The following PBRM1 variants were observed in gnomAD, a reference collection of about 807,000 sequenced individuals.
PBRM1 encodes the protein protein polybromo-1.
Under a neutral mutation model 194.5 loss-of-function variants are expected in PBRM1, and 27 were observed. The observed-to-expected ratio is 0.14, with a 90% CI of 0.10 to 0.19. The LOEUF (loss-of-function observed/expected upper bound fraction) is 0.19. Ranked by LOEUF, PBRM1 falls within the 10% of genes least tolerant of loss-of-function variation. PBRM1 has a pLI of 1.00. For synonymous variants in PBRM1, 655 were observed against 693.2 expected (o/e 0.94, Z 0.87); for missense variants, 1,466 against 2,077.2 (o/e 0.71, Z 5.72).
chr3:52,554,411 G>A (rs560806328), intron 27 of PBRM1, among the ~76,000 whole-genome samples: 1 of 152,378 alleles, frequency 6.6e-6, no homozygotes, highest in South Asian at 2.1e-4. Flanking sequence ...CTTCTAGGCT[G>A]TCTGGCTTTT....
intron 3 of PBRM1, 133 bp downstream of exon 4, chr3:52,668,365 C>T (rs1302162130): frequency 1.3e-5 from 8 of 608,482 alleles, no homozygotes; most frequent in Admixed American, 3.6e-5. Flanking sequence ...AGTCTCTTTA[C>T]GAATAAGACA....
downstream of PBRM1, chr3:52,546,047 A>G (rs894156754): frequency 4.3e-6 from 1 of 233,072 alleles, no homozygotes; most frequent in African/African-American, 2.2e-5. Flanking sequence ...GGCTGGATCT[A>G]TGTTTCCTAT....
At chr3:52,545,570 G>T, downstream of PBRM1, 1 of 232,814 alleles carries the variant, frequency 4.3e-6, no homozygotes. Flanking sequence ...ACAGAAATAG[G>T]TGCCCCTCTC....
intron 16 of PBRM1, among the ~76,000 whole-genome samples, chr3:52,606,011 T>C (rs74805901): frequency 1.3e-5 from 2 of 151,864 alleles, no homozygotes; most frequent in Admixed American, 1.3e-4. Context: ...ACTTTTTTTT[T>C]CTTCTTGAGA....
chr3:52,668,728 C>A, intron 2 of PBRM1, 83 bp from the exon 4 acceptor site: 32 of 551,878 alleles, frequency 5.8e-5, no homozygotes, highest in Admixed American at 9.8e-5. Flanking sequence ...TGGTAATGTT[C>A]AACATTCCAA....
intron 3 of PBRM1, among the ~76,000 whole-genome samples, chr3:52,664,412 G>A (rs368444646): frequency 6.1e-4 from 62 of 101,104 alleles, no homozygotes; most frequent in South Asian, 7.9e-4. Context: ...TGAAAGAACT[G>A]AAAAAAAAAA....
At position 52,563,558 on chromosome 3, in the gene PBRM1, G is replaced by T. The variant is rs2084235823; in HGVS notation, c.3876-65C>A. Reference sequence around the variant, plus strand: ...CCCCTCCAGAATAAGCCGGAAAGCAGTGTTCCACCTTAACAACTAGAAGTG... The same window carrying T: ...CCCCTCCAGAATAAGCCGGAAAGCATTGTTCCACCTTAACAACTAGAAGTG... On this transcript the variant is annotated intron_variant, in intron 23 of 29. Coordinates refer to ENST00000296302, the Ensembl canonical transcript of PBRM1. The T allele has an allele frequency of 2.6e-6, 3 of 1,136,602 alleles. No individual in the cohort carries two copies. The East Asian group carries it at 7.0e-5, about 27-fold the overall frequency. The allele number at this position is 1,136,602 out of a possible 1,614,324, so 70.4% of individuals were successfully genotyped here.
At chr3:52,589,323 G>T in intron 17 of PBRM1, 68 bp from the exon 20 acceptor site, 1 of 1,011,362 alleles carries the variant, frequency 9.9e-7, no homozygotes, top group Non-Finnish European at 1.4e-6. Context: ...GTCAGATGTA[G>T]GGTTCAAACA....
intron 19 of PBRM1, 38 bp from the exon 22 acceptor site, chr3:52,586,726 G>A (rs1396978391): frequency 1.4e-6 from 1 of 736,338 alleles, no homozygotes; most frequent in Non-Finnish European, 1.9e-6. Context: ...AAACTAGTTA[G>A]GTGAATTTTC....
intron 12 of PBRM1, 86 bp from the exon 14 acceptor site, chr3:52,627,456 A>G: frequency 1.4e-6 from 1 of 737,976 alleles, no homozygotes. Context: ...GACATATCAG[A>G]TTCACTCAGA....
chr3:52,617,741 A>C (rs2095038917), intron 13 of PBRM1, among the ~76,000 whole-genome samples: 1 of 152,230 alleles, frequency 6.6e-6, no homozygotes, highest in South Asian at 2.1e-4. Context: ...AAAACACAGT[A>C]ATTCTGGCAG....
chr3:52,660,449 C>A (rs1405686182), intron 4 of PBRM1, among the ~76,000 whole-genome samples: 1 of 151,718 alleles, frequency 6.6e-6, no homozygotes, highest in Non-Finnish European at 1.5e-5. Flanking sequence ...AAATTTTATA[C>A]ATATAAAATA....
chr3:52,634,796 T>A, exon 11 of PBRM1: 1 of 1,613,686 alleles, frequency 6.2e-7, no homozygotes, highest in East Asian at 2.2e-5. Flanking sequence ...CTTCTGACTC[T>A]CCCTCTTCAT....
intron 22 of PBRM1, among the ~76,000 whole-genome samples, chr3:52,570,840 TGC>T (rs2086842236): frequency 6.6e-6 from 1 of 151,932 alleles, no homozygotes; most frequent in Non-Finnish European, 1.5e-5. Context: ...TGTGTGTGTG[TGC>T]GCACATGTGT....
exon 1 of PBRM1, chr3:52,679,698 C>T (rs1289736713): frequency 7.4e-6 from 12 of 1,613,486 alleles, no homozygotes; most frequent in Non-Finnish European, 1.0e-5. Context: ...AGCTCTTCTT[C>T]TCTTGGAACC....
intron 15 of PBRM1, among the ~76,000 whole-genome samples, chr3:52,614,878 A>G (rs2094872103): frequency 6.6e-6 from 1 of 152,120 alleles, no homozygotes; most frequent in Admixed American, 6.6e-5. Context: ...GCCTTCACTT[A>G]CAACTTTTAA....
At chr3:52,585,269 C>T (rs1167961736) in intron 20 of PBRM1, among the ~76,000 whole-genome samples, 1 of 152,132 alleles carries the variant, frequency 6.6e-6, no homozygotes, top group African/African-American at 2.4e-5. Context: ...GTTCTCCCTG[C>T]TCTGAAACAG....
intron 16 of PBRM1, among the ~76,000 whole-genome samples, chr3:52,607,910 C>T (rs2094430762): frequency 6.6e-6 from 1 of 152,176 alleles, no homozygotes; most frequent in South Asian, 2.1e-4. Flanking sequence ...CCAACTCTAT[C>T]CCTGTCTCTT....
intron 6 of PBRM1, 52 bp from the exon 8 acceptor site, chr3:52,648,494 A>G (rs2153783320): frequency 2.1e-6 from 2 of 948,742 alleles, no homozygotes; most frequent in Non-Finnish European, 3.3e-6. Flanking sequence ...GTTCATCAGT[A>G]CAACCTTTAA....
Sources: allele counts gnomAD v4.1 joint callset (sites outside exome capture counted in the v4.1 genomes callset), GRCh38; gene constraint gnomAD v4.1.1; transcripts MANE v1.5; gene names NCBI Gene and HGNC (gene_info 2026-07-23, HGNC 2026-07-21).